The following OSBPL2 variants were observed in gnomAD, a reference collection of about 807,000 sequenced individuals.
OSBPL2 encodes oxysterol-binding protein-related protein 2.
A neutral mutation model predicts 58.4 loss-of-function variants in OSBPL2; 18 were observed. The observed-to-expected ratio is 0.31, with a 90% CI of 0.21 to 0.46. The LOEUF is 0.46. Ranked by LOEUF, OSBPL2 falls within the 20% of genes least tolerant of loss-of-function variation. The pLI, the probability that OSBPL2 is intolerant of heterozygous loss-of-function variation, is 1.00. For synonymous variants in OSBPL2, 221 were observed against 234.1 expected (o/e 0.94, Z 0.51); for missense variants, 461 against 616.5 (o/e 0.75, Z 2.67).
In OSBPL2 at chr20:62,273,411, G is replaced by A; in HGVS notation, c.491+5G>A. The A allele has an allele frequency of 6.3e-7, 1 of 1,579,746 alleles. No individual in the cohort carries two copies. The highest frequency in any genetic ancestry group is 8.6e-7 in the Non-Finnish European group (1 of 1,158,054). Reference sequence around the variant, plus strand: ...AGAAACGTATGAATTAATCAGGTAAGGGGGGAAAGGCCCATCATAAATATC... The same window carrying A: ...AGAAACGTATGAATTAATCAGGTAAAGGGGGAAAGGCCCATCATAAATATC... On this transcript the variant is annotated splice_donor_5th_base_variant and intron_variant, in intron 6 of 13. Transcript: ENST00000313733.
intron 1 of OSBPL2, among the ~76,000 whole-genome samples, chr20:62,239,291 T>C (rs957931492): frequency 6.6e-6 from 1 of 152,266 alleles, no homozygotes; most frequent in Non-Finnish European, 1.5e-5. Context: ...AATGTAATTT[T>C]AAGAGGTTCC....
chr20:62,287,878 T>TG (rs965324769), intron 11 of OSBPL2, among the ~76,000 whole-genome samples: 9 of 152,340 alleles, frequency 5.9e-5, no homozygotes, highest in African/African-American at 1.9e-4. Flanking sequence ...TGTTGAGTCC[T>TG]CCTGCCTGCC....
chr20:62,275,603 A>G (rs1249129604), intron 6 of OSBPL2, among the ~76,000 whole-genome samples: 1 of 152,052 alleles, frequency 6.6e-6, no homozygotes, highest in African/African-American at 2.4e-5. Context: ...GTGCGCCACC[A>G]TGCCCAGCTA....
chr20:62,264,909 T>A (rs566189329), intron 4 of OSBPL2, among the ~76,000 whole-genome samples: 147 of 152,328 alleles, frequency 9.7e-4, no homozygotes, highest in East Asian at 5.8e-4. Context: ...CTTCTTAGAA[T>A]GAGGTTCTGT....
intron 1 of OSBPL2, among the ~76,000 whole-genome samples, chr20:62,253,441 A>G (rs1183913925): frequency 6.6e-6 from 1 of 152,190 alleles, no homozygotes; most frequent in Non-Finnish European, 1.5e-5. Context: ...ACTGGTGCTC[A>G]GATTGTCTCC....
chr20:62,273,414 GGGAAA>G lies in OSBPL2; in HGVS notation c.491+11_491+15del. On this transcript the variant is annotated intron_variant, in intron 6 of 13. Transcript: ENST00000313733. ...AACGTATGAATTAATCAGGTAAGGG[GGGAAA>G]GGCCCATCATAAATATCTTGTAAAT... The G allele has an allele frequency of 6.4e-7, 1 of 1,573,498 alleles. No homozygotes were observed. The highest frequency in any genetic ancestry group is 8.7e-7 in the Non-Finnish European group (1 of 1,152,368).
At chr20:62,246,795 G>A (rs1980148148) in intron 1 of OSBPL2, among the ~76,000 whole-genome samples, 1 of 152,178 alleles carries the variant, frequency 6.6e-6, no homozygotes, top group Admixed American at 6.5e-5. Flanking sequence ...GTCACAGCAG[G>A]CTTTGTCTTG....
chr20:62,267,937 C>T (rs1195284779), intron 4 of OSBPL2, among the ~76,000 whole-genome samples: 4 of 152,070 alleles, frequency 2.6e-5, no homozygotes, highest in Non-Finnish European at 5.9e-5. Flanking sequence ...GGCTAGAGTG[C>T]AGTGGCGCGA....
intron 4 of OSBPL2, among the ~76,000 whole-genome samples, chr20:62,271,020 T>G (rs932791314): frequency 1.3e-5 from 2 of 151,392 alleles, no homozygotes; most frequent in Non-Finnish European, 2.9e-5. Context: ...GGTCCTTTCC[T>G]TGTCCCTTTC....
intron 7 of OSBPL2, chr20:62,279,847 T>C (rs1002886648): frequency 1.6e-6 from 1 of 634,516 alleles, no homozygotes; most frequent in African/African-American, 2.0e-5. Context: ...GGGAGAGAGC[T>C]GAGAAGGAAG....
intron 12 of OSBPL2, chr20:62,291,205 G>A (rs1395046213): frequency 7.6e-6 from 1 of 132,306 alleles, no homozygotes; most frequent in Non-Finnish European, 1.7e-5. Context: ...TCACGAGTGT[G>A]ACCTGGGAAT....
At chr20:62,281,517 C>G (rs1264778312) in intron 8 of OSBPL2, 1 of 502,024 alleles carries the variant, frequency 2.0e-6, no homozygotes, top group Non-Finnish European at 3.6e-6. Context: ...TGGGCTTTGC[C>G]TTTTCACCAC....
chr20:62,274,608 G>A (rs551296948), intron 6 of OSBPL2, among the ~76,000 whole-genome samples: 2 of 152,326 alleles, frequency 1.3e-5, no homozygotes, highest in South Asian at 4.1e-4. Flanking sequence ...AGGTAGCCCA[G>A]CACACAGAGC....
At chr20:62,238,881 C>T (rs1025025024) in intron 1 of OSBPL2, 1 of 152,084 alleles carries the variant, frequency 6.6e-6, no homozygotes, top group South Asian at 2.1e-4. Context: ...GCACCCTTCC[C>T]CCTGCGGTCG....
At chr20:62,242,132 G>A (rs572110186) in intron 1 of OSBPL2, among the ~76,000 whole-genome samples, 256 of 152,286 alleles carry the variant, frequency 1.7e-3, no homozygotes, top group Non-Finnish European at 2.9e-3. Context: ...TTTTCAGAGT[G>A]TTCTTGCTAG....
At chr20:62,244,302 C>T (rs1347780512) in intron 1 of OSBPL2, among the ~76,000 whole-genome samples, 2 of 151,992 alleles carry the variant, frequency 1.3e-5, no homozygotes, top group East Asian at 1.9e-4. Context: ...GTCTCCTTCT[C>T]CTCTAGCTGC....
At chr20:62,271,993 T>G in intron 4 of OSBPL2, 132 bp from the exon 5 acceptor site, 2 of 1,048,962 alleles carry the variant, frequency 1.9e-6, no homozygotes, top group Non-Finnish European at 1.4e-6. Context: ...GGCTCACCCA[T>G]GGGGGGTTTG....
At position 62,281,041 on chromosome 20, in the gene OSBPL2, T is replaced by G. The variant is rs1427918256; in HGVS notation, c.675-17T>G. On this transcript the variant is annotated splice_polypyrimidine_tract_variant and intron_variant, in intron 7 of 13. Transcript: ENST00000313733. ...CTTTTCTGGACTCTCACTGCTTGTTTTCTGGTGTCTTCACAGACATAATGA... is the reference window on the plus strand; with the variant it reads ...CTTTTCTGGACTCTCACTGCTTGTTGTCTGGTGTCTTCACAGACATAATGA... 1 of 1,593,420 alleles carries G rather than the reference T, an allele frequency of 6.3e-7. No homozygotes were observed. The highest frequency in any genetic ancestry group is 1.1e-5 in the South Asian group (1 of 90,702).
At position 62,263,646 on chromosome 20, in the gene OSBPL2, A is replaced by G; in HGVS notation, c.213A>G (p.Arg71=). The change falls in exon 4 of 14, where the codon AGA becomes AGG. Residue 71 remains arginine (R), a synonymous_variant. Coordinates refer to ENST00000313733, the MANE Select transcript of OSBPL2 (RefSeq NM_144498.4). Reference sequence around the variant, plus strand: ...CGCTGCCGGCTCCCATGTTCAGCAGAAGCGACTTCAGCGTGTGGACCATCC... The same window carrying G: ...CGCTGCCGGCTCCCATGTTCAGCAGGAGCGACTTCAGCGTGTGGACCATCC... ...RTSLPAPMFS[R]SDFSVWTILK... 6.2e-7 allele frequency: 1 copy of G among 1,614,198 alleles called. No individual in the cohort carries two copies. The highest frequency in any genetic ancestry group is 8.5e-7 in the Non-Finnish European group (1 of 1,180,038).
Sources: allele counts gnomAD v4.1 joint callset (sites outside exome capture counted in the v4.1 genomes callset), GRCh38; gene constraint gnomAD v4.1.1; transcripts MANE v1.5; gene names NCBI Gene and HGNC (gene_info 2026-07-23, HGNC 2026-07-21).